SCLT1: variants seen among roughly 807,000 people sequenced by gnomAD.
SCLT1 encodes sodium channel and clathrin linker 1.
SCLT1 carries 78 observed loss-of-function variants against 112.8 expected under a neutral mutation model. The observed-to-expected ratio is 0.69, with a 90% confidence interval of 0.58 to 0.83. SCLT1 has a LOEUF of 0.83. Ranked by LOEUF, SCLT1 falls within the 40% of genes least tolerant of loss-of-function variation. SCLT1 has a pLI of 0.00. For synonymous variants in SCLT1, 257 were observed against 254.7 expected, an observed-to-expected ratio of 1.01 and a Z score of -0.09; for missense variants, 747 against 770.4, an observed-to-expected ratio of 0.97 and a Z score of 0.36.
chr4:128,973,772 A>C (rs549486338), intron 9 of SCLT1, among the ~76,000 whole-genome samples: 1 of 152,306 alleles, frequency 6.6e-6, no homozygotes, highest in African/African-American at 2.4e-5. Flanking sequence ...TTCTGAAAAC[A>C]TTCATATTAT....
intron 13 of SCLT1, among the ~76,000 whole-genome samples, chr4:128,955,266 C>T (rs1739124373): frequency 6.6e-6 from 1 of 152,160 alleles, no homozygotes; most frequent in Non-Finnish European, 1.5e-5. Flanking sequence ...CTTCTCTCAT[C>T]CTAACCTCAC....
At chr4:129,061,396 G>A (rs983610992) in intron 2 of SCLT1, among the ~76,000 whole-genome samples, 3 of 152,128 alleles carry the variant, frequency 2.0e-5, no homozygotes, top group African/African-American at 4.8e-5. Flanking sequence ...CTGGCCTGTA[G>A]GGTGGGGTGT....
At chr4:128,923,228 T>C (rs553521767) in intron 18 of SCLT1, among the ~76,000 whole-genome samples, 162 of 152,004 alleles carry the variant, frequency 1.1e-3, no homozygotes, top group African/African-American at 3.7e-3. Flanking sequence ...GGTGGATCAC[T>C]TGAGGTCAGG....
intron 9 of SCLT1, among the ~76,000 whole-genome samples, chr4:128,980,805 T>C (rs937650236): frequency 1.3e-5 from 2 of 152,164 alleles, no homozygotes; most frequent in Non-Finnish European, 2.9e-5. Flanking sequence ...AGGTGTGTTG[T>C]TTTGGAAATC....
At chr4:128,915,100 T>C (rs318543) in intron 18 of SCLT1, among the ~76,000 whole-genome samples, 36,501 of 152,050 alleles carry the variant, frequency 0.24, 5,586 homozygotes, top group African/African-American at 0.43. Flanking sequence ...CCTGTAAACA[T>C]TTAAAGAATC....
intron 2 of SCLT1, among the ~76,000 whole-genome samples, chr4:129,044,905 T>C (rs561698306): frequency 3.3e-5 from 5 of 150,216 alleles, no homozygotes; most frequent in African/African-American, 9.8e-5. Context: ...CACAATGCTA[T>C]AGCAATTTAA....
intron 10 of SCLT1, among the ~76,000 whole-genome samples, chr4:128,968,451 TTATC>T (rs1009978141): frequency 6.6e-6 from 1 of 152,198 alleles, no homozygotes; most frequent in Non-Finnish European, 1.5e-5. Flanking sequence ...TCAATTAAAA[TTATC>T]TATCTCTTCC....
intron 18 of SCLT1, among the ~76,000 whole-genome samples, chr4:128,921,443 GTAAAAAAT>G (rs1252706377): frequency 1.3e-5 from 2 of 152,132 alleles, no homozygotes; most frequent in Admixed American, 1.3e-4. Flanking sequence ...CATGGTACTG[GTAAAAAAT>G]AAGACACATA....
intron 18 of SCLT1, among the ~76,000 whole-genome samples, chr4:128,919,677 A>T (rs1298512710): frequency 3.9e-5 from 6 of 152,228 alleles, no homozygotes; most frequent in Admixed American, 6.5e-5. Context: ...AAAGAAAAAG[A>T]AAAGATCCAA....
intron 5 of SCLT1, among the ~76,000 whole-genome samples, chr4:129,031,072 T>C (rs1746675187): frequency 6.6e-6 from 1 of 152,134 alleles, no homozygotes; most frequent in Non-Finnish European, 1.5e-5. Context: ...AATAAAATAC[T>C]AGCAAACCGA....
At chr4:129,040,436 G>A (rs1747599157) in intron 4 of SCLT1, among the ~76,000 whole-genome samples, 2 of 152,160 alleles carry the variant, frequency 1.3e-5, no homozygotes, top group Admixed American at 6.5e-5. Flanking sequence ...CTAAGGTGGA[G>A]TGTGAGAGCA....
In SCLT1 at chr4:129,093,205, G is replaced by T; in HGVS notation, c.-102C>A. On this transcript the variant is annotated 5_prime_UTR_variant, in exon 1 of 21. Coordinates refer to ENST00000281142, the MANE Select transcript of SCLT1 (RefSeq NM_144643.4). ...ACAAAACTAAGCCAACGCTCGGTTG[G>T]TTGTCAAGCGCTCCAGCGGTGCAAT... 1.9e-6 allele frequency: 2 copies of T among 1,078,644 alleles called. No individual in the cohort carries two copies. The highest frequency in any genetic ancestry group is 2.9e-6 in the Non-Finnish European group (2 of 696,848). 66.8% of individuals were successfully genotyped at this position (1,078,644 alleles called of 1,614,324 possible). A position where few individuals can be genotyped will look rare whatever the true frequency, so the allele number is the denominator to read the frequency against.
chr4:128,981,616 G>A (rs1464554210), intron 9 of SCLT1, among the ~76,000 whole-genome samples: 5 of 151,408 alleles, frequency 3.3e-5, no homozygotes, highest in African/African-American at 4.9e-5. Context: ...TTTCATCCTC[G>A]AGCCAACCAA....
At position 128,952,932 on chromosome 4, in the gene SCLT1, A is replaced by G. The variant is rs1298089597; in HGVS notation, c.1147-92T>C. On this transcript the variant is annotated intron_variant, in intron 13 of 20. Coordinates refer to ENST00000281142, the MANE Select transcript of SCLT1 (RefSeq NM_144643.4). ...ACTCAGGATAATAATTTTGATAAAA[A>G]TAAAATTGTAACTTTTAGGGCATAA... 6 of 725,924 alleles carry G rather than the reference A, an allele frequency of 8.3e-6. No individual in the cohort carries two copies. The Admixed American group carries it at 1.4e-4, about 16-fold the overall frequency. The allele number at this position is 725,924 out of a possible 1,614,324, so 45.0% of individuals were successfully genotyped here. A position where few individuals can be genotyped will look rare whatever the true frequency, so the allele number is the denominator to read the frequency against.
intron 2 of SCLT1, among the ~76,000 whole-genome samples, chr4:129,064,694 C>T (rs1028704132): frequency 6.6e-6 from 1 of 152,100 alleles, no homozygotes; most frequent in Non-Finnish European, 1.5e-5. Flanking sequence ...TTTTAGTATT[C>T]TAAGTTCAAA....
At chr4:129,003,938 C>A in intron 5 of SCLT1, 62 bp from the exon 6 acceptor site, 5 of 1,464,952 alleles carry the variant, frequency 3.4e-6, no homozygotes, top group East Asian at 2.3e-5. Flanking sequence ...ATTACTGTTT[C>A]GAGGTCAATT....
At chr4:129,002,947 G>A (rs1429758314) in intron 6 of SCLT1, among the ~76,000 whole-genome samples, 1 of 152,096 alleles carries the variant, frequency 6.6e-6, no homozygotes, top group Non-Finnish European at 1.5e-5. Flanking sequence ...TATACCCAAA[G>A]GATTATAAAT....
intron 2 of SCLT1, among the ~76,000 whole-genome samples, chr4:129,073,270 T>C (rs1315262515): frequency 1.3e-5 from 2 of 152,142 alleles, no homozygotes; most frequent in East Asian, 3.9e-4. Context: ...CTTATTCCTG[T>C]AGTCGTTCTG....
At position 129,010,725 on chromosome 4, in the gene SCLT1, C is replaced by G. The variant is rs76900015; in HGVS notation, c.291-6849G>C. Among the ~76,000 whole-genome samples the G allele has an allele frequency of 9.6e-3, 1,457 of 152,172 alleles. 17 individuals carry two copies. The highest frequency in any genetic ancestry group is 0.028 in the African/African-American group (1,169 of 41,496). On this transcript the variant is annotated intron_variant, in intron 5 of 20. Coordinates refer to ENST00000281142, the MANE Select transcript of SCLT1 (RefSeq NM_144643.4). ...GTTACTCATTTGGCTCTTGGCTTGA[C>G]TGTTTTTTTGTGTACAGGAGTGCTA...
Sources: allele counts gnomAD v4.1 joint callset (sites outside exome capture counted in the v4.1 genomes callset), GRCh38; gene constraint gnomAD v4.1.1; transcripts MANE v1.5; gene names NCBI Gene and HGNC (gene_info 2026-07-23, HGNC 2026-07-21).